Variants in GHR observed in about 807,000 individuals in gnomAD.
GHR encodes the protein GH receptor.
In GHR, 35 loss-of-function variants were observed where a neutral mutation model predicts 67.1. The observed-to-expected ratio is 0.52, with a 90% CI of 0.40 to 0.69. The LOEUF (loss-of-function observed/expected upper bound fraction) is 0.69. Ranked by LOEUF, GHR falls within the 30% of genes least tolerant of loss-of-function variation. The pLI is 0.00. For synonymous variants in GHR, 272 were observed against 269.1 expected (o/e 1.01, Z -0.10); for missense variants, 792 against 764.6 (o/e 1.04, Z -0.42).
chr5:42,498,259 TAGACA>T (rs1746401139), intron 1 of GHR, among the ~76,000 whole-genome samples: 1 of 152,166 alleles, frequency 6.6e-6, no homozygotes, highest in African/African-American at 2.4e-5. Flanking sequence ...AAAAGCACTT[TAGACA>T]GAAGCCTGCT....
At chr5:42,572,918 T>C (rs1750414042) in intron 2 of GHR, among the ~76,000 whole-genome samples, 1 of 152,124 alleles carries the variant, frequency 6.6e-6, no homozygotes, top group Admixed American at 6.5e-5. Flanking sequence ...GTTTCCCTCT[T>C]CTAAATGAAG....
At chr5:42,709,173 C>T (rs1011085539) in intron 6 of GHR, among the ~76,000 whole-genome samples, 14 of 152,186 alleles carry the variant, frequency 9.2e-5, no homozygotes, top group African/African-American at 2.6e-4. Flanking sequence ...CTTGCTCTGT[C>T]CCCAGGCTAG....
chr5:42,653,669 G>T (rs1218534574), intron 3 of GHR, among the ~76,000 whole-genome samples: 1 of 152,106 alleles, frequency 6.6e-6, no homozygotes, highest in East Asian at 1.9e-4. Context: ...GGTTGATATA[G>T]GAAGTGGCAT....
chr5:42,425,938 A>C (rs1231884070), intron 1 of GHR, among the ~76,000 whole-genome samples: 2 of 152,212 alleles, frequency 1.3e-5, no homozygotes, highest in Admixed American at 1.3e-4. Context: ...GCAATGACAA[A>C]GTGACGAGAT....
At chr5:42,494,455 T>A (rs900950068) in intron 1 of GHR, among the ~76,000 whole-genome samples, 1 of 152,068 alleles carries the variant, frequency 6.6e-6, no homozygotes, top group Non-Finnish European at 1.5e-5. Context: ...CTCTTCTGCT[T>A]AAAACTCCCC....
chr5:42,657,741 C>A (rs984261665), intron 3 of GHR, among the ~76,000 whole-genome samples: 1 of 152,102 alleles, frequency 6.6e-6, no homozygotes. Context: ...TGGTGTTTCC[C>A]TTTCCTTATG....
chr5:42,649,613 A>C (rs1754915676), intron 3 of GHR, among the ~76,000 whole-genome samples: 1 of 152,200 alleles, frequency 6.6e-6, no homozygotes, highest in Non-Finnish European at 1.5e-5. Context: ...CCCCCTTTAA[A>C]AGGCTCTTGG....
At chr5:42,687,785 G>A (rs1048764599) in intron 3 of GHR, among the ~76,000 whole-genome samples, 1 of 151,994 alleles carries the variant, frequency 6.6e-6, no homozygotes, top group African/African-American at 2.4e-5. Flanking sequence ...TGATAACCCA[G>A]GAATGAGAGT....
intron 2 of GHR, among the ~76,000 whole-genome samples, chr5:42,601,400 T>A (rs900654438): frequency 2.0e-5 from 3 of 152,154 alleles, no homozygotes; most frequent in Admixed American, 6.5e-5. Context: ...TGCTTTTTTT[T>A]ATTTCATTTT....
intron 1 of GHR, among the ~76,000 whole-genome samples, chr5:42,463,295 A>C (rs1744565370): frequency 6.6e-6 from 1 of 152,232 alleles, no homozygotes; most frequent in South Asian, 2.1e-4. Context: ...TCCATGATTT[A>C]GTCAATGATA....
In GHR at chr5:42,687,708, CAT is replaced by C. The variant is rs571169268; in HGVS notation, c.137-1179_137-1178del. On this transcript the variant is annotated intron_variant, in intron 3 of 9. Coordinates refer to ENST00000230882, the MANE Select transcript of GHR (RefSeq NM_000163.5). ...ATCATGAGTTTTTATGCATTTGCTT[CAT>C]ATTATTTATTTTTAAGAGATCTTTC... Among the ~76,000 whole-genome samples the C allele has an allele frequency of 2.8e-3, 426 of 152,248 alleles. 1 individual carries two copies. The highest frequency in any genetic ancestry group is 9.5e-3 in the African/African-American group (395 of 41,544).
At chr5:42,496,924 A>G (rs1242247687) in intron 1 of GHR, among the ~76,000 whole-genome samples, 1 of 152,222 alleles carries the variant, frequency 6.6e-6, no homozygotes, top group Non-Finnish European at 1.5e-5. Flanking sequence ...TATTTGCAGA[A>G]GAGGAACACT....
chr5:42,678,544 A>G (rs1756681270), intron 3 of GHR, among the ~76,000 whole-genome samples: 1 of 152,206 alleles, frequency 6.6e-6, no homozygotes, highest in Non-Finnish European at 1.5e-5. Flanking sequence ...AACAGGTTTC[A>G]TTAATGATTC....
chr5:42,701,199 A>G (rs1209432429), intron 6 of GHR, among the ~76,000 whole-genome samples: 2 of 152,190 alleles, frequency 1.3e-5, no homozygotes, highest in Non-Finnish European at 2.9e-5. Context: ...CACAAAAGCA[A>G]TGCTGGAAAC....
intron 1 of GHR, among the ~76,000 whole-genome samples, chr5:42,531,478 CT>C (rs68103582): frequency 0.38 from 56,153 of 146,486 alleles, 10,956 homozygotes; most frequent in Middle Eastern, 0.44. Flanking sequence ...TGACCATAGA[CT>C]TTTTTTTTTT....
At chr5:42,663,378 T>C (rs894268159) in intron 3 of GHR, among the ~76,000 whole-genome samples, 3 of 152,134 alleles carry the variant, frequency 2.0e-5, no homozygotes, top group Non-Finnish European at 4.4e-5. Context: ...CAGCAGCACA[T>C]CAAAAAGCTT....
At chr5:42,666,945 G>A (rs1368286285) in intron 3 of GHR, among the ~76,000 whole-genome samples, 1 of 152,158 alleles carries the variant, frequency 6.6e-6, no homozygotes, top group Non-Finnish European at 1.5e-5. Context: ...GTGCTCTGGT[G>A]AAAAGTCGTA....
intron 2 of GHR, among the ~76,000 whole-genome samples, chr5:42,574,428 C>A (rs1179208677): frequency 6.6e-6 from 1 of 152,252 alleles, no homozygotes; most frequent in Non-Finnish European, 1.5e-5. Flanking sequence ...GCACGGTTGA[C>A]TAGCTTTCTT....
At chr5:42,460,798 C>T (rs1449874148) in intron 1 of GHR, among the ~76,000 whole-genome samples, 1 of 152,156 alleles carries the variant, frequency 6.6e-6, no homozygotes, top group Non-Finnish European at 1.5e-5. Context: ...TACCAAGTCT[C>T]ATTTGAGTTC....
Sources: allele counts gnomAD v4.1 joint callset (sites outside exome capture counted in the v4.1 genomes callset), GRCh38; gene constraint gnomAD v4.1.1; transcripts MANE v1.5; gene names NCBI Gene and HGNC (gene_info 2026-07-23, HGNC 2026-07-21).